BMP3: variants seen among roughly 807,000 people sequenced by gnomAD.
BMP3 encodes the protein bone morphogenetic protein 3.
A neutral mutation model predicts 38.1 loss-of-function variants in BMP3; 23 were observed. The ratio of observed to expected loss-of-function variants is 0.60; its 90% CI spans 0.43 to 0.86. The LOEUF (loss-of-function observed/expected upper bound fraction) is 0.86, where lower values mean the gene tolerates loss of function less well. BMP3 is among the 40% of genes least tolerant of loss of function. The pLI is 0.00. For synonymous variants in BMP3, 258 were observed against 225.7 expected (o/e 1.14, Z -1.28); for missense variants, 628 against 579.6 (o/e 1.08, Z -0.86).
intron 1 of BMP3, among the ~76,000 whole-genome samples, chr4:81,037,930 C>T (rs985927738): frequency 6.6e-6 from 1 of 151,964 alleles, no homozygotes; most frequent in Non-Finnish European, 1.5e-5. Flanking sequence ...ATACTAGACC[C>T]GCGGAATCAA....
intron 2 of BMP3, among the ~76,000 whole-genome samples, chr4:81,049,331 T>G (rs775738247): frequency 6.6e-6 from 1 of 152,132 alleles, no homozygotes; most frequent in Non-Finnish European, 1.5e-5. Flanking sequence ...AAGCTGAAAA[T>G]AGGTTTCTCC....
intron 1 of BMP3, among the ~76,000 whole-genome samples, chr4:81,034,355 A>T (rs1024694872): frequency 6.6e-6 from 1 of 152,236 alleles, no homozygotes; most frequent in East Asian, 1.9e-4. Flanking sequence ...CTTCATAAAA[A>T]TACACCATGT....
chr4:81,053,529 G>T lies in BMP3; in HGVS notation c.1412G>T (p.Cys471Phe). Reference protein sequence around the residue: ...YPNMTVESCACR With the variant: ...YPNMTVESCAFR ...AACATGACAGTAGAGTCTTGCGCTT[G>T]CAGATAACCTGGCAAAGAACTCATT... The change falls in exon 3 of 3, where the codon TGC becomes TTC. Residue 471 changes from cysteine (C) to phenylalanine (F), a missense_variant. Coordinates refer to ENST00000282701, the MANE Select transcript of BMP3 (RefSeq NM_001201.5). 1 of 1,483,462 alleles carries T rather than the reference G, an allele frequency of 6.7e-7. No individual in the cohort carries two copies. The highest frequency in any genetic ancestry group is 9.0e-7 in the Non-Finnish European group (1 of 1,115,786). The allele number at this position is 1,483,462 out of a possible 1,614,324, so 91.9% of individuals were successfully genotyped here. A position where few individuals can be genotyped will look rare whatever the true frequency, so the allele number is the denominator to read the frequency against.
At chr4:81,044,943 G>A (rs1740189859) in intron 1 of BMP3, among the ~76,000 whole-genome samples, 1 of 152,146 alleles carries the variant, frequency 6.6e-6, no homozygotes, top group African/African-American at 2.4e-5. Flanking sequence ...GTAATTATTT[G>A]AGTGCCTGTT....
At position 81,053,486 on chromosome 4, in the gene BMP3, G is replaced by A. The variant is rs772779196; in HGVS notation, c.1369G>A (p.Val457Met). 13 of 1,605,740 alleles carry A rather than the reference G, an allele frequency of 8.1e-6. No homozygotes were observed. In the South Asian group the frequency reaches 1.2e-4, roughly 15 times the overall value. The change falls in exon 3 of 3, where the codon GTG becomes ATG. Residue 457 changes from valine (V) to methionine (M), a missense_variant. Physicochemically the swap from Val to Met is conservative, Grantham distance 21. Transcript: ENST00000282701. ...ILFFDENKNV[V>M]LKVYPNMTVE... ...ATTCTTTGATGAAAATAAGAATGTA[G>A]TGCTTAAAGTATACCCTAACATGAC...
At position 81,046,499 on chromosome 4, in the gene BMP3, A is replaced by G; in HGVS notation, c.1078A>G (p.Arg360Gly). Residue 360 changes from arginine to glycine, a missense_variant, in exon 2 of 3, where the codon AGG (arginine) becomes GGG (glycine). Arg to Gly is a moderately radical substitution (Grantham distance 125). Transcript: ENST00000282701. ...QFDEQTLKKARRKQWIEPRNC... is the reference protein window; with the variant it reads ...QFDEQTLKKAGRKQWIEPRNC... ...TGATGAGCAGACCCTGAAAAAGGCA[A>G]GGAGAAAGCAGTGGATTGAACCTCG... 1.1e-5 allele frequency: 17 copies of G among 1,614,110 alleles called. No homozygotes were observed. The highest frequency in any genetic ancestry group is 1.4e-5 in the Non-Finnish European group (17 of 1,180,004).
At chr4:81,031,983 C>G (rs1014993789) in intron 1 of BMP3, among the ~76,000 whole-genome samples, 2 of 151,964 alleles carry the variant, frequency 1.3e-5, no homozygotes, top group Non-Finnish European at 2.9e-5. Flanking sequence ...GCGGAAATTC[C>G]TTTGGACTGG....
At chr4:81,053,315 T>C in intron 2 of BMP3, 30 bp from the exon 3 acceptor site, 1 of 1,496,010 alleles carries the variant, frequency 6.7e-7, no homozygotes, top group Non-Finnish European at 8.9e-7. Context: ...CCACCTAACA[T>C]ATGTGTTCTT....
At position 81,031,512 on chromosome 4, in the gene BMP3, G is replaced by A. The variant is rs760430735; in HGVS notation, c.228G>A (p.Pro76=). Residue 76 remains proline, a synonymous_variant, in exon 1 of 3, where the codon CCG becomes CCA. Coordinates refer to ENST00000282701, the MANE Select transcript of BMP3 (RefSeq NM_001201.5). ...RYSTVQAART[P]GSLEGGSQPW... ...GCACGGTCCAGGCGGCCCGGACACC[G>A]GGCTCCCTGGAGGGAGGCTCGCAGC... 4.3e-6 allele frequency: 7 copies of A among 1,612,536 alleles called. No homozygotes were observed. The African/African-American group carries it at 5.3e-5, about 12-fold the overall frequency.
intron 1 of BMP3, among the ~76,000 whole-genome samples, chr4:81,044,494 T>G (rs1481980823): frequency 6.6e-6 from 1 of 152,232 alleles, no homozygotes; most frequent in African/African-American, 2.4e-5. Flanking sequence ...TAGTATAAAT[T>G]TAACTAATTT....
At chr4:81,042,227 G>T (rs1480208460) in intron 1 of BMP3, among the ~76,000 whole-genome samples, 2 of 152,100 alleles carry the variant, frequency 1.3e-5, no homozygotes, top group African/African-American at 2.4e-5. Context: ...TCAAAATTCA[G>T]TATGTATTTT....
In BMP3 at chr4:81,057,304, C is replaced by A. The variant is rs1370240091; in HGVS notation, c.*3768C>A. ...GCCTTCCTATAATAATAATTTTCAT[C>A]CTTAATTATGATAATACTTTTAGCA... On this transcript the variant is annotated 3_prime_UTR_variant, in exon 3 of 3. Transcript: ENST00000282701. 4.6e-5 allele frequency: 7 copies of A among 151,718 alleles called. No homozygotes were observed. The highest frequency in any genetic ancestry group is 1.0e-4 in the Non-Finnish European group (7 of 67,898). 9.4% of individuals were successfully genotyped at this position (151,718 alleles called of 1,614,324 possible).
In BMP3 at chr4:81,031,348, G is replaced by A. The variant is rs995529671; in HGVS notation, c.64G>A (p.Gly22Arg). 4 of 1,612,472 alleles carry A rather than the reference G, an allele frequency of 2.5e-6. No individual in the cohort carries two copies. Among genetic ancestry groups the A allele is most frequent in the South Asian group, 1.1e-5 (1 of 90,558 alleles). Residue 22 changes from glycine to arginine, a missense_variant, in exon 1 of 3, where the codon GGA becomes AGA. Gly to Arg is a moderately radical substitution (Grantham distance 125). Coordinates refer to ENST00000282701, the MANE Select transcript of BMP3 (RefSeq NM_001201.5). ...LGCFCVSLAQGERPKPPFPEL... is the reference protein window; with the variant it reads ...LGCFCVSLAQRERPKPPFPEL... ...CTGCTTCTGCGTGAGCCTGGCGCAG[G>A]GAGAGAGACCGAAGCCACCTTTCCC... is the stretch of plus-strand genomic sequence containing the variant.
rs1326425020 is a variant in BMP3, at chr4:81,057,190, A to G, written c.*3654A>G. ...TTCTGTAAATGTTTAATACTTGTAC[A>G]GTCAATGGCAATTTTAAATATATAT... On this transcript the variant is annotated 3_prime_UTR_variant, in exon 3 of 3. Coordinates refer to ENST00000282701, the MANE Select transcript of BMP3 (RefSeq NM_001201.5). 1 of 118,848 alleles carries G rather than the reference A, an allele frequency of 8.4e-6. No homozygotes were observed. Among genetic ancestry groups the G allele is most frequent in the Non-Finnish European group, 1.7e-5 (1 of 58,942 alleles). The allele number at this position is 118,848 out of a possible 1,614,324, so 7.4% of individuals were successfully genotyped here.
intron 2 of BMP3, 127 bp from the exon 3 acceptor site, chr4:81,053,218 T>C: frequency 1.6e-6 from 1 of 640,684 alleles, no homozygotes; most frequent in Non-Finnish European, 2.4e-6. Context: ...TAATGTATAA[T>C]GATGCCAGAG....
intron 1 of BMP3, among the ~76,000 whole-genome samples, chr4:81,044,624 T>C (rs907507598): frequency 2.0e-5 from 3 of 152,254 alleles, no homozygotes; most frequent in African/African-American, 7.2e-5. Flanking sequence ...AAGGAGTTTC[T>C]TTTCATTAGC....
At position 81,045,769 on chromosome 4, in the gene BMP3, C is replaced by T. The variant is rs774012981; in HGVS notation, c.348C>T (p.Phe116=). 6.2e-7 allele frequency: 1 copy of T among 1,610,462 alleles called. No individual in the cohort carries two copies. Among genetic ancestry groups the T allele is most frequent in the Non-Finnish European group, 8.5e-7 (1 of 1,178,644 alleles). Residue 116 remains phenylalanine, a synonymous_variant, in exon 2 of 3, where the codon TTC becomes TTT. Coordinates refer to ENST00000282701, the MANE Select transcript of BMP3 (RefSeq NM_001201.5). ...ETLERKGLYI[F]NLTSLTKSEN... ...TTGAAAGAAAAGGACTGTATATCTT[C>T]AATCTGACATCGCTAACCAAGTCTG...
chr4:81,031,373 C>A lies in BMP3; in HGVS notation c.89C>A (p.Pro30Gln), dbSNP rs779480627. The change falls in exon 1 of 3, where the codon CCG becomes CAG. Residue 30 changes from proline (P) to glutamine (Q), a missense_variant. By Grantham distance (76) the Pro-to-Gln change is moderately conservative (BLOSUM62 -1). Transcript: ENST00000282701. ...AQGERPKPPFPELRKAVPGDR... is the reference protein window; with the variant it reads ...AQGERPKPPFQELRKAVPGDR... Reference sequence around the variant, plus strand: ...GGAGAGAGACCGAAGCCACCTTTCCCGGAGCTCCGCAAAGCTGTGCCAGGT... The same window carrying A: ...GGAGAGAGACCGAAGCCACCTTTCCAGGAGCTCCGCAAAGCTGTGCCAGGT... 5.0e-6 allele frequency: 8 copies of A among 1,613,216 alleles called. No homozygotes were observed. Among genetic ancestry groups the A allele is most frequent in the Non-Finnish European group, 6.8e-6 (8 of 1,179,794 alleles).
At chr4:81,052,305 A>C (rs6854139) in intron 2 of BMP3, among the ~76,000 whole-genome samples, 4,331 of 152,262 alleles carry the variant, frequency 0.028, 78 homozygotes, top group African/African-American at 0.052. Flanking sequence ...CTAAAAGAGG[A>C]ATCGAGAAAC....
Sources: allele counts gnomAD v4.1 joint callset (sites outside exome capture counted in the v4.1 genomes callset), GRCh38; gene constraint gnomAD v4.1.1; transcripts MANE v1.5; gene names NCBI Gene and HGNC (gene_info 2026-07-23, HGNC 2026-07-21).